The following ANK3 variants were observed in gnomAD, a reference collection of about 807,000 sequenced individuals.
ANK3 encodes the protein ankyrin-3.
Under a neutral mutation model 370.9 loss-of-function variants are expected in ANK3, and 57 were observed. That is an observed-to-expected ratio of 0.15 (90% CI 0.12 to 0.19). ANK3 has a LOEUF of 0.19. ANK3 is among the 10% of genes least tolerant of loss of function. The probability of loss-of-function intolerance (pLI) is 1.00; values close to 1 mark genes in which losing one functional copy is unlikely to be tolerated. For synonymous variants in ANK3, 1,929 were observed against 1,946.3 expected, an observed-to-expected ratio of 0.99 and a Z score of 0.23; for missense variants, 4,439 against 5,302.1, an observed-to-expected ratio of 0.84 and a Z score of 5.06.
chr10:60,166,141 A>C (rs2095619214), intron 23 of ANK3, among the ~76,000 whole-genome samples: 1 of 152,146 alleles, frequency 6.6e-6, no homozygotes, highest in African/African-American at 2.4e-5. Flanking sequence ...TATCATTTCA[A>C]GATCAAAAGC....
Position 60,076,097 on chromosome 10 carries a change from G to A in ANK3, c.4784C>T (p.Ser1595Phe), listed in dbSNP as rs1273354069. The A allele has an allele frequency of 1.2e-6, 2 of 1,614,218 alleles. No individual in the cohort carries two copies. Among genetic ancestry groups the A allele is most frequent in the African/African-American group, 1.3e-5 (1 of 75,074 alleles). Residue 1595 changes from serine (S) to phenylalanine (F), a missense_variant, in exon 37 of 44, where the codon TCC (serine) becomes TTC (phenylalanine). Transcript: ENST00000280772. The stretch of plus-strand genomic sequence containing the variant: ...TGGAGCTCTAGCCAGGGTACCAGAG[G>A]AAACTTGGATATTGTATGGAGATTG... Reference protein sequence around the residue: ...VSQSPYNIQVSSGTLARAPAV... With the variant: ...VSQSPYNIQVFSGTLARAPAV...
At chr10:60,231,506 G>A (rs1453148202) in intron 8 of ANK3, among the ~76,000 whole-genome samples, 1 of 152,092 alleles carries the variant, frequency 6.6e-6, no homozygotes, top group Admixed American at 6.6e-5. Context: ...GATAGATAAC[G>A]GTATCTATTT....
chr10:60,463,798 TATA>T (rs1380522503), intron 2 of ANK3, among the ~76,000 whole-genome samples: 2 of 151,460 alleles, frequency 1.3e-5, no homozygotes, highest in African/African-American at 2.4e-5. Context: ...CATGAACAAA[TATA>T]ATAAAATCAG....
intron 2 of ANK3, among the ~76,000 whole-genome samples, chr10:60,594,818 G>A (rs752714604): frequency 6.6e-6 from 1 of 151,990 alleles, no homozygotes; most frequent in Non-Finnish European, 1.5e-5. Context: ...TCTTTGAGAG[G>A]TTTACAAGGG....
chr10:60,646,952 G>A (rs2078717445), intron 1 of ANK3, among the ~76,000 whole-genome samples: 1 of 152,106 alleles, frequency 6.6e-6, no homozygotes, highest in African/African-American at 2.4e-5. Flanking sequence ...CATGGTCATT[G>A]GGGTATATTT....
chr10:60,071,546 C>A lies in ANK3; in HGVS notation c.9335G>T (p.Gly3112Val), dbSNP rs780011014. The A allele has an allele frequency of 1.9e-6, 3 of 1,614,034 alleles. No individual in the cohort carries two copies. The highest frequency in any genetic ancestry group is 2.2e-5 in the South Asian group (2 of 91,080). ...GKQYEKEIQQ[G>V]GVKKIISQEC... is the part of the protein sequence containing the mutation. Reference sequence around the variant, plus strand: ...CTGACTTATGATTTTTTTTACACCTCCTTGTTGTATCTCCTTTTCATATTG... The same window carrying A: ...CTGACTTATGATTTTTTTTACACCTACTTGTTGTATCTCCTTTTCATATTG... The change falls in exon 37 of 44, where the codon GGA (glycine) becomes GTA (valine). Residue 3112 changes from glycine to valine, a missense_variant. Transcript: ENST00000280772.
intron 2 of ANK3, among the ~76,000 whole-genome samples, chr10:60,417,236 G>A (rs993046107): frequency 1.3e-5 from 2 of 152,206 alleles, no homozygotes; most frequent in Non-Finnish European, 2.9e-5. Flanking sequence ...AGACATAAAG[G>A]TTCTGGAAGA....
intron 21 of ANK3, among the ~76,000 whole-genome samples, chr10:60,169,714 A>C (rs978895197): frequency 6.6e-6 from 1 of 152,144 alleles, no homozygotes. Flanking sequence ...CTTCTTTTCC[A>C]TTTATTGAAT....
At chr10:60,046,192 G>A (rs1156618628) in intron 42 of ANK3, among the ~76,000 whole-genome samples, 1 of 152,118 alleles carries the variant, frequency 6.6e-6, no homozygotes, top group Non-Finnish European at 1.5e-5. Context: ...TAATGGCAGT[G>A]TTATTTGTAT....
At chr10:60,547,656 GAGAC>G (rs138778944) in intron 2 of ANK3, among the ~76,000 whole-genome samples, 13,193 of 151,542 alleles carry the variant, frequency 0.087, 1,113 homozygotes, top group East Asian at 0.31. Context: ...GGTGGTGGTG[GAGAC>G]AGACAGAGAG....
intron 2 of ANK3, among the ~76,000 whole-genome samples, chr10:60,587,512 G>A (rs1326459499): frequency 6.6e-6 from 1 of 152,104 alleles, no homozygotes; most frequent in Non-Finnish European, 1.5e-5. Flanking sequence ...TGTAAGATGA[G>A]CCTAGAACAT....
intron 1 of ANK3, among the ~76,000 whole-genome samples, chr10:60,351,007 T>C (rs915926943): frequency 2.0e-5 from 3 of 149,668 alleles, no homozygotes; most frequent in African/African-American, 4.9e-5. Flanking sequence ...AACCAGACAA[T>C]ACCATTCAGG....
intron 1 of ANK3, among the ~76,000 whole-genome samples, chr10:60,671,278 C>A (rs1304885628): frequency 6.6e-6 from 1 of 152,192 alleles, no homozygotes; most frequent in Non-Finnish European, 1.5e-5. Flanking sequence ...TTTCAGTCAC[C>A]TTGGCCTCCT....
intron 1 of ANK3, among the ~76,000 whole-genome samples, chr10:60,280,976 A>G (rs2098153690): frequency 6.6e-6 from 1 of 152,212 alleles, no homozygotes. Context: ...CAGAATAAGC[A>G]GAGGAGGCAG....
At chr10:60,467,776 A>C (rs1206922118) in intron 2 of ANK3, among the ~76,000 whole-genome samples, 1 of 152,158 alleles carries the variant, frequency 6.6e-6, no homozygotes, top group Non-Finnish European at 1.5e-5. Context: ...TAAAAGAAAA[A>C]GGAAAACAGT....
At chr10:60,615,082 C>T in intron 2 of ANK3, 1 of 690,306 alleles carries the variant, frequency 1.4e-6, no homozygotes, top group Admixed American at 3.8e-5. Flanking sequence ...TTAAAAGGAC[C>T]ATCTCCTGTA....
intron 2 of ANK3, among the ~76,000 whole-genome samples, chr10:60,429,780 G>A (rs567718242): frequency 4.6e-5 from 7 of 152,228 alleles, no homozygotes; most frequent in African/African-American, 1.7e-4. Context: ...TAAGCTAATC[G>A]ATGCAAAATT....
At chr10:60,362,702 T>C (rs78309756) in intron 1 of ANK3, among the ~76,000 whole-genome samples, 34,418 of 152,068 alleles carry the variant, frequency 0.23, 4,099 homozygotes, top group South Asian at 0.3. Context: ...CTCCAGCAGC[T>C]GGCTTCAGGT....
At chr10:60,656,930 G>A (rs1329970311) in intron 1 of ANK3, among the ~76,000 whole-genome samples, 1 of 150,934 alleles carries the variant, frequency 6.6e-6, no homozygotes, top group African/African-American at 2.5e-5. Context: ...GCTAATTGTT[G>A]TTGGTGGTTT....
Sources: gnomAD v4.1 joint callset for allele counts (sites outside exome capture counted in the v4.1 genomes callset) on GRCh38, gnomAD v4.1.1 for gene constraint, MANE v1.5 for transcripts, NCBI Gene and HGNC (gene_info 2026-07-23, HGNC 2026-07-21) for gene names.